Variants in PXDNL observed in about 807,000 individuals in gnomAD.
The protein encoded by PXDNL is probable oxidoreductase PXDNL.
In PXDNL, 145 loss-of-function variants were observed where a neutral mutation model predicts 150.8. That is an observed-to-expected ratio of 0.96 (90% CI 0.84 to 1.10). PXDNL has a LOEUF of 1.10. PXDNL is among the 50% of genes least tolerant of loss of function. PXDNL has a pLI of 0.00. For synonymous variants in PXDNL, 757 were observed against 725.7 expected (o/e 1.04, Z -0.69); for missense variants, 2,087 against 1,873.9 (o/e 1.11, Z -2.10).
Position 51,448,915 on chromosome 8 carries a change from C to T in PXDNL, c.1366+87G>A, listed in dbSNP as rs1326602307. 2.4e-5 allele frequency: 18 copies of T among 743,710 alleles called. No individual in the cohort carries two copies. The Admixed American group carries it at 3.0e-4, about 12-fold the overall frequency. The allele number at this position is 743,710 out of a possible 1,614,324, so 46.1% of individuals were successfully genotyped here. A position where few individuals can be genotyped will look rare whatever the true frequency, so the allele number is the denominator to read the frequency against. On this transcript the variant is annotated intron_variant, in intron 11 of 22. Transcript: ENST00000356297. ...TTTTTTCATGTCCATGATACACCTT[C>T]GATAATTAATTTAAACTATTTTTTT...
chr8:51,336,524 G>A (rs766454110), intron 21 of PXDNL, among the ~76,000 whole-genome samples: 7 of 152,172 alleles, frequency 4.6e-5, no homozygotes, highest in African/African-American at 1.7e-4. Context: ...TCAAAAGACC[G>A]TTGGCCCTCA....
intron 1 of PXDNL, among the ~76,000 whole-genome samples, chr8:51,655,570 G>A (rs982370615): frequency 1.3e-5 from 2 of 152,146 alleles, no homozygotes; most frequent in African/African-American, 4.8e-5. Context: ...TGGAGAACGA[G>A]GCGCCCCACT....
chr8:51,791,236 C>G (rs527358936), intron 1 of PXDNL, among the ~76,000 whole-genome samples: 1 of 152,308 alleles, frequency 6.6e-6, no homozygotes, highest in Non-Finnish European at 1.5e-5. Flanking sequence ...GCAGGCAAAG[C>G]CTAAGCTTGC....
chr8:51,331,147 T>C (rs1805673529), intron 21 of PXDNL, among the ~76,000 whole-genome samples: 1 of 152,004 alleles, frequency 6.6e-6, no homozygotes, highest in African/African-American at 2.4e-5. Context: ...CCAAATACTG[T>C]AAGTGCCCCA....
At chr8:51,703,357 C>T (rs1261609836) in intron 1 of PXDNL, among the ~76,000 whole-genome samples, 1 of 151,310 alleles carries the variant, frequency 6.6e-6, no homozygotes, top group Non-Finnish European at 1.5e-5. Context: ...CCAAAGAAAA[C>T]ATTTCAAAAT....
intron 2 of PXDNL, among the ~76,000 whole-genome samples, chr8:51,616,317 G>C (rs1814129465): frequency 6.6e-6 from 1 of 152,194 alleles, no homozygotes; most frequent in Non-Finnish European, 1.5e-5. Context: ...ACAGCCATGT[G>C]TGTAGGTTTG....
chr8:51,543,386 T>C (rs911876897), intron 4 of PXDNL, among the ~76,000 whole-genome samples: 20 of 152,072 alleles, frequency 1.3e-4, no homozygotes, highest in African/African-American at 4.8e-4. Context: ...TAGTAAAATA[T>C]CCCACTTAGA....
At chr8:51,804,202 G>A (rs1025836517) in intron 1 of PXDNL, among the ~76,000 whole-genome samples, 2 of 152,334 alleles carry the variant, frequency 1.3e-5, no homozygotes, top group East Asian at 1.9e-4. Context: ...TGGGGAGGGG[G>A]CTTCTAGGTC....
chr8:51,655,397 A>G (rs1293665273), intron 1 of PXDNL, among the ~76,000 whole-genome samples: 1 of 152,134 alleles, frequency 6.6e-6, no homozygotes, highest in African/African-American at 2.4e-5. Context: ...GATAAGCAAG[A>G]TAGGGTCCCT....
chr8:51,704,184 C>A (rs186186152), intron 1 of PXDNL, among the ~76,000 whole-genome samples: 48 of 152,284 alleles, frequency 3.2e-4, no homozygotes, highest in Admixed American at 6.5e-4. Flanking sequence ...TAAATGTGTA[C>A]CCACAGACAA....
intron 1 of PXDNL, among the ~76,000 whole-genome samples, chr8:51,799,946 C>G (rs1236944930): frequency 6.6e-6 from 1 of 152,158 alleles, no homozygotes; most frequent in Non-Finnish European, 1.5e-5. Flanking sequence ...GCCTCTAATT[C>G]TCTTTTCTCC....
chr8:51,327,665 A>G (rs542299187), intron 21 of PXDNL, among the ~76,000 whole-genome samples: 34 of 152,328 alleles, frequency 2.2e-4, no homozygotes, highest in African/African-American at 7.5e-4. Flanking sequence ...CATCTCCTAC[A>G]AGATACCAGG....
At chr8:51,682,742 G>A (rs1369030325) in intron 1 of PXDNL, among the ~76,000 whole-genome samples, 1 of 152,110 alleles carries the variant, frequency 6.6e-6, no homozygotes, top group Non-Finnish European at 1.5e-5. Context: ...ATACAGATAT[G>A]ACCATACGAG....
chr8:51,467,781 A>G (rs2037079881), intron 8 of PXDNL, among the ~76,000 whole-genome samples: 1 of 152,036 alleles, frequency 6.6e-6, no homozygotes, highest in Non-Finnish European at 1.5e-5. Flanking sequence ...TTTCTCCCCA[A>G]GGTAAAACCT....
At chr8:51,398,631 A>G (rs1357651749) in intron 17 of PXDNL, among the ~76,000 whole-genome samples, 1 of 152,194 alleles carries the variant, frequency 6.6e-6, no homozygotes, top group African/African-American at 2.4e-5. Flanking sequence ...CAGCCACCCC[A>G]CATCAGCGGA....
intron 2 of PXDNL, among the ~76,000 whole-genome samples, chr8:51,637,032 A>C (rs1814619520): frequency 6.6e-6 from 1 of 152,162 alleles, no homozygotes; most frequent in South Asian, 2.1e-4. Flanking sequence ...TTTGCTGCTC[A>C]GCAACATTCA....
In PXDNL at chr8:51,408,214, G is replaced by A; in HGVS notation, c.3410C>T (p.Ser1137Leu). The A allele has an allele frequency of 5.0e-6, 8 of 1,613,994 alleles. No homozygotes were observed. Among genetic ancestry groups the A allele is most frequent in the Admixed American group, 1.7e-5 (1 of 60,026 alleles). ...FSAAYSAAVD[S>L]AATIIQRGRD... is the part of the protein sequence containing the mutation. ...ACCCCTTTGAATGATGGTGGCAGCCGAATCCACGGCCGCAGAATAAGCCGC... is the reference window on the plus strand; with the variant it reads ...ACCCCTTTGAATGATGGTGGCAGCCAAATCCACGGCCGCAGAATAAGCCGC... The change falls in exon 17 of 23, where the codon TCG becomes TTG. Residue 1137 changes from serine to leucine, a missense_variant. Transcript: ENST00000356297.
chr8:51,377,026 T>A (rs1807339557), intron 17 of PXDNL, among the ~76,000 whole-genome samples: 2 of 151,898 alleles, frequency 1.3e-5, no homozygotes, highest in African/African-American at 2.4e-5. Flanking sequence ...CTTGTTTCTC[T>A]TTAAGTGCTA....
At chr8:51,572,390 A>G (rs1177825588) in intron 3 of PXDNL, among the ~76,000 whole-genome samples, 1 of 151,930 alleles carries the variant, frequency 6.6e-6, no homozygotes, top group African/African-American at 2.4e-5. Context: ...GGCATTTGAA[A>G]TGAAATTCTG....
Sources: gnomAD v4.1 joint callset for allele counts (sites outside exome capture counted in the v4.1 genomes callset) on GRCh38, gnomAD v4.1.1 for gene constraint, MANE v1.5 for transcripts, NCBI Gene and HGNC (gene_info 2026-07-23, HGNC 2026-07-21) for gene names.